Variants in NPRL3 observed in about 807,000 individuals in gnomAD.
NPRL3 encodes NPR3 like, GATOR1 complex subunit.
Under a neutral mutation model 57.2 loss-of-function variants are expected in NPRL3, and 23 were observed. The ratio of observed to expected loss-of-function variants is 0.40; its 90% CI spans 0.29 to 0.57. The LOEUF (loss-of-function observed/expected upper bound fraction) is 0.57, where lower values mean the gene tolerates loss of function less well. Ranked by LOEUF, NPRL3 falls within the 20% of genes least tolerant of loss-of-function variation. The pLI is 0.42. For missense variants in NPRL3, 691 were observed against 767.1 expected (o/e 0.90, Z 1.17); for synonymous variants, 333 against 321.1 (o/e 1.04, Z -0.39).
At chr16:125,818 G>A (rs1258507053) in intron 3 of NPRL3, 1 of 152,168 alleles carries the variant, frequency 6.6e-6, no homozygotes, top group African/African-American at 2.4e-5. Context: ...GAAAGGAGAG[G>A]GCATCTTTCT....
intron 7 of NPRL3, among the ~76,000 whole-genome samples, chr16:104,078 A>C (rs1899426211): frequency 6.6e-6 from 1 of 150,658 alleles, no homozygotes; most frequent in Non-Finnish European, 1.5e-5. Context: ...CTGAGCTGAG[A>C]TCGTGCCATT....
Position 127,994 on chromosome 16 carries a change from C to CTTCTT in NPRL3, c.188+2527_188+2528insAAGAA, listed in dbSNP as rs144300847. Among the ~76,000 whole-genome samples, 382 of 133,318 alleles carry CTTCTT rather than the reference C, an allele frequency of 2.9e-3. 8 individuals are homozygous for CTTCTT. Among genetic ancestry groups the CTTCTT allele is most frequent in the African/African-American group, 3.5e-3 (116 of 33,542 alleles). The allele number at this position is 133,318 out of a possible 152,430, so 87.5% of individuals were successfully genotyped here. On this transcript the variant is annotated intron_variant, in intron 3 of 13. Coordinates refer to ENST00000611875, the MANE Select transcript of NPRL3 (RefSeq NM_001077350.3). ...TATTTCAGTTAATTTCCATCTTCTT[C>CTTCTT]TTTTTTTTTTTTTTTGAGACAGACT...
chr16:93,266 C>T lies in NPRL3; in HGVS notation c.984G>A (p.Leu328=), dbSNP rs866882831. 5.1e-6 allele frequency: 8 copies of T among 1,560,938 alleles called. No individual in the cohort carries two copies. In the Middle Eastern group the frequency reaches 8.3e-4, roughly 162 times the overall value. Residue 328 remains leucine, a synonymous_variant, in exon 10 of 14, where the codon CTG becomes CTA. Transcript: ENST00000611875. ...ACAGCATGTAGACGTTGTTCTCACACAGCGGGTAGATGATGATGGCCTTGC... is the reference window on the plus strand; with the variant it reads ...ACAGCATGTAGACGTTGTTCTCACATAGCGGGTAGATGATGATGGCCTTGC... ...YWGKAIIIYP[L]CENNVYMLSP...
intron 12 of NPRL3, 43 bp downstream of exon 12, chr16:89,670 A>G: frequency 6.9e-7 from 1 of 1,450,994 alleles, no homozygotes; most frequent in East Asian, 2.6e-5. Flanking sequence ...GCCACCCCCA[A>G]GCGTCTCCCC....
chr16:90,851 G>C (rs13338178), intron 11 of NPRL3: 4 of 152,270 alleles, frequency 2.6e-5, no homozygotes, highest in East Asian at 1.9e-4. Context: ...AAACAGACGC[G>C]GGTGGATCAC....
intron 8 of NPRL3, among the ~76,000 whole-genome samples, chr16:99,959 CAAAAAAA>C (rs11304941): frequency 1.6e-4 from 10 of 61,022 alleles, no homozygotes; most frequent in Non-Finnish European, 3.0e-4. Flanking sequence ...CACACCCCCG[CAAAAAAA>C]AAAAAAAAAA....
In NPRL3 at chr16:138,652, C is replaced by T. The variant is rs1230773095; in HGVS notation, c.-78G>A. The T allele has an allele frequency of 5.1e-6, 1 of 194,730 alleles. No individual in the cohort carries two copies. The highest frequency in any genetic ancestry group is 1.1e-5 in the Non-Finnish European group (1 of 92,810). The allele number at this position is 194,730 out of a possible 1,614,324, so 12.1% of individuals were successfully genotyped here. ...GCCACAGTTACCAACCCACGTGCCA[C>T]GCTCCGGGCTCGCGAGACTTCGGCG... is the stretch of plus-strand genomic sequence containing the variant. On this transcript the variant is annotated 5_prime_UTR_variant, in exon 1 of 14. It adds an upstream start codon to the 5' untranslated region. Transcript: ENST00000611875.
intron 11 of NPRL3, among the ~76,000 whole-genome samples, chr16:91,734 GTTTAAC>G (rs751881728): frequency 5.3e-5 from 8 of 152,356 alleles, no homozygotes; most frequent in African/African-American, 1.2e-4. Flanking sequence ...AACGGAAAGG[GTTTAAC>G]TTTAAGGACT....
At chr16:107,610 A>AAG (rs1451416858) in intron 7 of NPRL3, among the ~76,000 whole-genome samples, 152 of 149,552 alleles carry the variant, frequency 1.0e-3, no homozygotes, top group African/African-American at 3.5e-3. Flanking sequence ...AAAAAAAAAA[A>AAG]AAGAAGAAGA....
At chr16:111,607 G>A (rs1303128979) in intron 6 of NPRL3, among the ~76,000 whole-genome samples, 1 of 151,720 alleles carries the variant, frequency 6.6e-6, no homozygotes. Context: ...ATATGACCAT[G>A]CCCGGCTAAT....
At chr16:97,855 C>T (rs1463941044) in intron 9 of NPRL3, among the ~76,000 whole-genome samples, 1 of 152,158 alleles carries the variant, frequency 6.6e-6, no homozygotes, top group Non-Finnish European at 1.5e-5. Flanking sequence ...GGTGCCTCAA[C>T]CTCCAGGACT....
chr16:117,431 T>C, intron 4 of NPRL3, 56 bp from the exon 5 acceptor site: 1 of 1,289,868 alleles, frequency 7.8e-7, no homozygotes, highest in Non-Finnish European at 1.1e-6. Flanking sequence ...GAAAGCTGTT[T>C]AGAGCTATTC....
intron 9 of NPRL3, 47 bp from the exon 10 acceptor site, chr16:93,372 A>G: frequency 1.5e-6 from 2 of 1,293,440 alleles, no homozygotes; most frequent in Non-Finnish European, 2.2e-6. Context: ...AGGCTGGCCC[A>G]CCGGGAGCTG....
intron 5 of NPRL3, among the ~76,000 whole-genome samples, chr16:113,181 C>T (rs1365384196): frequency 6.6e-6 from 1 of 152,214 alleles, no homozygotes; most frequent in Non-Finnish European, 1.5e-5. Flanking sequence ...AGCAAAGACC[C>T]TGCTAGTGTC....
At position 119,205 on chromosome 16, in the gene NPRL3, C is replaced by T; in HGVS notation, c.239G>A (p.Cys80Tyr). The change falls in exon 4 of 14, where the codon TGT (cysteine) becomes TAT (tyrosine). Residue 80 changes from cysteine to tyrosine, a missense_variant. Physicochemically the swap from Cys to Tyr is radical, Grantham distance 194. Coordinates refer to ENST00000611875, the MANE Select transcript of NPRL3 (RefSeq NM_001077350.3). The stretch of plus-strand genomic sequence containing the variant: ...AATCTTCAGTTCAAATTTTTGGCCA[C>T]ACATTTCAGACTTGGTTGCCAAAAT... The part of the protein sequence containing the change: ...ATILATKSEM[C>Y]GQKFELKIDN... 6.2e-7 allele frequency: 1 copy of T among 1,612,092 alleles called. No homozygotes were observed. Among genetic ancestry groups the T allele is most frequent in the Middle Eastern group, 1.6e-4 (1 of 6,062 alleles).
At position 92,701 on chromosome 16, in the gene NPRL3, G is replaced by C; in HGVS notation, c.1056C>G (p.Phe352Leu). ...GGTCATGAGATGGGAACTGGTGGGA[G>C]AACTGCTCGGCCAGCGGGGAGTACC... is the stretch of plus-strand genomic sequence containing the variant. ...VCLYSPLAEQ[F>L]SHQFPSHDLP... Residue 352 changes from phenylalanine to leucine, a missense_variant, in exon 11 of 14, where the codon TTC becomes TTG. Coordinates refer to ENST00000611875, the MANE Select transcript of NPRL3 (RefSeq NM_001077350.3). 1 of 1,613,828 alleles carries C rather than the reference G, an allele frequency of 6.2e-7. No homozygotes were observed. The highest frequency in any genetic ancestry group is 1.1e-5 in the South Asian group (1 of 91,022).
At chr16:99,776 C>CA (rs1899188936) in intron 8 of NPRL3, among the ~76,000 whole-genome samples, 1 of 150,470 alleles carries the variant, frequency 6.6e-6, no homozygotes, top group African/African-American at 2.4e-5. Flanking sequence ...CTAAAAGTAC[C>CA]AAAAAAATTA....
At chr16:124,367 T>G (rs1900422254) in intron 3 of NPRL3, among the ~76,000 whole-genome samples, 1 of 151,996 alleles carries the variant, frequency 6.6e-6, no homozygotes, top group Non-Finnish European at 1.5e-5. Context: ...TTTCCTTTTT[T>G]CTTTTTTTTC....
At chr16:125,075 TCAAA>T in intron 3 of NPRL3, 1 of 90,190 alleles carries the variant, frequency 1.1e-5, no homozygotes, top group South Asian at 2.9e-4. Context: ...AAACTTTGTC[TCAAA>T]AAAAAAAAAA....
Sources: allele counts gnomAD v4.1 joint callset (sites outside exome capture counted in the v4.1 genomes callset), GRCh38; gene constraint gnomAD v4.1.1; transcripts MANE v1.5; gene names NCBI Gene and HGNC (gene_info 2026-07-23, HGNC 2026-07-21).